Variants in ANK1 observed in about 807,000 individuals in gnomAD.
The protein encoded by ANK1 is ankyrin-1.
ANK1 carries 51 observed loss-of-function variants against 210.4 expected under a neutral mutation model. The ratio of observed to expected loss-of-function variants is 0.24; its 90% CI spans 0.19 to 0.31. The LOEUF (loss-of-function observed/expected upper bound fraction) is 0.31, where lower values mean the gene tolerates loss of function less well. ANK1 is among the 10% of genes least tolerant of loss of function. ANK1 has a pLI of 1.00. For missense variants in ANK1, 2,051 were observed against 2,504.4 expected, an observed-to-expected ratio of 0.82 and a Z score of 3.86; for synonymous variants, 967 against 1,025.9, an observed-to-expected ratio of 0.94 and a Z score of 1.10.
intron 2 of ANK1, among the ~76,000 whole-genome samples, chr8:41,748,079 T>C (rs1836633009): frequency 6.6e-6 from 1 of 152,134 alleles, no homozygotes; most frequent in African/African-American, 2.4e-5. Flanking sequence ...TCTAACCAAC[T>C]CTCAGGGTGA....
At chr8:41,861,045 A>C (rs1039902772) in intron 1 of ANK1, among the ~76,000 whole-genome samples, 1 of 152,218 alleles carries the variant, frequency 6.6e-6, no homozygotes. Context: ...CCCTGAACCT[A>C]TGGCCTCACA....
chr8:41,768,683 G>A (rs557194008), intron 1 of ANK1, among the ~76,000 whole-genome samples: 15 of 152,210 alleles, frequency 9.9e-5, no homozygotes, highest in Admixed American at 4.6e-4. Flanking sequence ...GAGATAATGT[G>A]GGGGATGATC....
chr8:41,678,427 C>T (rs1200128617), intron 37 of ANK1, among the ~76,000 whole-genome samples: 5 of 152,182 alleles, frequency 3.3e-5, no homozygotes, highest in Non-Finnish European at 7.3e-5. Flanking sequence ...CAGACATAAG[C>T]CACTGTGCCC....
intron 1 of ANK1, among the ~76,000 whole-genome samples, chr8:41,849,743 G>C (rs971926471): frequency 6.6e-6 from 1 of 152,182 alleles, no homozygotes; most frequent in Non-Finnish European, 1.5e-5. Context: ...CTAACAGGAC[G>C]ATGTCTTTTC....
At chr8:41,695,074 G>C (rs983331811) in intron 27 of ANK1, 103 bp downstream of exon 27, 1 of 1,498,188 alleles carries the variant, frequency 6.7e-7, no homozygotes. Context: ...AGCCTCTTGG[G>C]GCTTCCCAAA....
intron 1 of ANK1, among the ~76,000 whole-genome samples, chr8:41,873,139 A>G (rs559435186): frequency 2.6e-5 from 4 of 152,368 alleles, no homozygotes; most frequent in Admixed American, 2.6e-4. Context: ...GAAAAAAGTC[A>G]CTATTCTATT....
chr8:41,773,858 G>A (rs2150737579), intron 1 of ANK1, among the ~76,000 whole-genome samples: 1 of 152,298 alleles, frequency 6.6e-6, no homozygotes, highest in East Asian at 1.9e-4. Context: ...GAAGGATGGG[G>A]AGTGGACCCA....
intron 1 of ANK1, among the ~76,000 whole-genome samples, chr8:41,822,775 T>C (rs969431528): frequency 2.6e-5 from 4 of 152,100 alleles, no homozygotes; most frequent in African/African-American, 9.7e-5. Context: ...CCTGCTACCA[T>C]CCCACCAACA....
chr8:41,712,551 G>T (rs541296540), intron 16 of ANK1, among the ~76,000 whole-genome samples: 1 of 152,222 alleles, frequency 6.6e-6, no homozygotes, highest in South Asian at 2.1e-4. Flanking sequence ...GGAAAGTCAC[G>T]GAGAGGGGAG....
At chr8:41,890,851 A>C (rs895883517) in intron 1 of ANK1, among the ~76,000 whole-genome samples, 1 of 150,734 alleles carries the variant, frequency 6.6e-6, no homozygotes, top group African/African-American at 2.4e-5. Flanking sequence ...ACTCTCTCAA[A>C]ATCAAAAAGA....
intron 1 of ANK1, among the ~76,000 whole-genome samples, chr8:41,895,913 C>T (rs1820414124): frequency 1.3e-5 from 2 of 152,004 alleles, no homozygotes; most frequent in South Asian, 4.1e-4. Context: ...CCCCCCCCGG[C>T]CCGCTCCCCG....
intron 1 of ANK1, among the ~76,000 whole-genome samples, chr8:41,884,958 G>A (rs889083819): frequency 6.6e-6 from 1 of 152,120 alleles, no homozygotes; most frequent in African/African-American, 2.4e-5. Context: ...GGCTTGGGGA[G>A]GGGTGAGGCA....
intron 1 of ANK1, among the ~76,000 whole-genome samples, chr8:41,831,731 T>G (rs944542879): frequency 1.3e-5 from 2 of 151,748 alleles, no homozygotes; most frequent in African/African-American, 4.8e-5. Context: ...AAGGTACCTG[T>G]ACCCAAATTT....
At chr8:41,725,407 G>A (rs1586486173) in intron 6 of ANK1, among the ~76,000 whole-genome samples, 5 of 152,166 alleles carry the variant, frequency 3.3e-5, no homozygotes, top group Non-Finnish European at 2.9e-5. Context: ...GCCCCTGCAC[G>A]CCTCCTCCCT....
chr8:41,797,770 A>G (rs1416255961), upstream of ANK1: 2 of 544,726 alleles, frequency 3.7e-6, no homozygotes, highest in Non-Finnish European at 6.1e-6. This position sits in a 1 kb window ranked among gnomAD's most constrained non-coding sequence, Gnocchi z 4.0. Context: ...TCCTCCCCCA[A>G]CCCCAGGAGG....
chr8:41,716,132 G>A (rs185885189), intron 13 of ANK1, among the ~76,000 whole-genome samples: 82 of 152,278 alleles, frequency 5.4e-4, no homozygotes, highest in African/African-American at 1.9e-3. Flanking sequence ...GAATAATAAC[G>A]TCTACTTGCT....
At position 41,672,429 on chromosome 8, in the gene ANK1, G is replaced by C; in HGVS notation, c.5021C>G (p.Ser1674Ter). The change falls in exon 38 of 43, where the codon TCA (serine) becomes TGA (stop). Residue 1674 changes from serine (S) to a stop codon, truncating the protein, a stop_gained. Coordinates refer to ENST00000289734, the MANE Select transcript of ANK1 (RefSeq NM_000037.4). LOFTEE classifies it high-confidence loss of function. The stretch of plus-strand genomic sequence containing the variant: ...TCGGGCTTGCCCCCTCTGATGGCCT[G>C]AAACAAGAGACACTTCATTCTCTGA... ...QDSENEVSLV[S>*]GHQRGQARIT... 6.2e-7 allele frequency: 1 copy of C among 1,614,200 alleles called. No homozygotes were observed. The highest frequency in any genetic ancestry group is 8.5e-7 in the Non-Finnish European group (1 of 1,180,040).
chr8:41,845,507 C>A (rs985319445), intron 1 of ANK1, among the ~76,000 whole-genome samples: 2 of 152,070 alleles, frequency 1.3e-5, no homozygotes, highest in Non-Finnish European at 2.9e-5. Context: ...AGTGGGGTCT[C>A]CCCTCAAGGA....
chr8:41,663,919 C>T (rs1005925370), intron 39 of ANK1, 177 bp from the exon 40 acceptor site: 17 of 676,878 alleles, frequency 2.5e-5, no homozygotes, highest in Non-Finnish European at 4.0e-5. Context: ...AGGGCGTGGG[C>T]GGCGCCCCTG....
Sources: allele counts gnomAD v4.1 joint callset (sites outside exome capture counted in the v4.1 genomes callset), GRCh38; gene constraint gnomAD v4.1.1; non-coding constraint Gnocchi (gnomAD v3.1); transcripts MANE v1.5; gene names NCBI Gene and HGNC (gene_info 2026-07-23, HGNC 2026-07-21).